Variants in PADI3 observed in about 807,000 individuals in gnomAD.
PADI3 encodes peptidyl arginine deiminase 3, also known as protein-arginine deiminase type-3.
Under a neutral mutation model 71.5 loss-of-function variants are expected in PADI3, and 53 were observed. The ratio of observed to expected loss-of-function variants is 0.74; its 90% CI spans 0.59 to 0.93. The LOEUF (loss-of-function observed/expected upper bound fraction) is 0.93, where lower values mean the gene tolerates loss of function less well. PADI3 is among the 40% of genes least tolerant of loss of function. The probability of loss-of-function intolerance (pLI) is 0.00; values close to 1 mark genes in which losing one functional copy is unlikely to be tolerated. For missense variants in PADI3, 821 were observed against 868.0 expected, an observed-to-expected ratio of 0.95 and a Z score of 0.68; for synonymous variants, 361 against 347.5, an observed-to-expected ratio of 1.04 and a Z score of -0.43.
Position 17,280,759 on chromosome 1 carries a change from C to T in PADI3, c.1724C>T (p.Thr575Ile). 6.2e-7 allele frequency: 1 copy of T among 1,614,090 alleles called. No homozygotes were observed. Among genetic ancestry groups the T allele is most frequent in the Non-Finnish European group, 8.5e-7 (1 of 1,179,998 alleles). The change falls in exon 15 of 16, where the codon ACC (threonine) becomes ATC (isoleucine). Residue 575 changes from threonine to isoleucine, a missense_variant. By Grantham distance (89) the Thr-to-Ile change is moderately conservative (BLOSUM62 -1). Transcript: ENST00000375460. The part of the protein sequence containing the change: ...DIIDIPQLFK[T>I]ERKKATAFFP... ...ATTGACATCCCACAGCTCTTCAAGA[C>T]CGAGAGGAAAAAAGCAACGGCCTTC...
chr1:17,283,115 G>A lies in PADI3; in HGVS notation c.*36G>A, dbSNP rs113760173. ...ACCCACCATCCTGTCCCCCTGGGGC[G>A]GGCATTGGCCCAGGTGGTGGAGACA... On this transcript the variant is annotated 3_prime_UTR_variant, in exon 16 of 16. Transcript: ENST00000375460. The A allele has an allele frequency of 6.0e-4, 926 of 1,538,340 alleles. 3 individuals carry two copies. The African/African-American group carries it at 8.0e-3, about 13-fold the overall frequency.
In PADI3 at chr1:17,279,804, G is replaced by T. The variant is rs143299935; in HGVS notation, c.1556-546G>T. ...TTGTGTGCCATTGACTCTAGCCTCCGCTTCCCTGTCCAGTCTCATCTGCAT... is the reference window on the plus strand; with the variant it reads ...TTGTGTGCCATTGACTCTAGCCTCCTCTTCCCTGTCCAGTCTCATCTGCAT... On this transcript the variant is annotated intron_variant, in intron 13 of 15. Transcript: ENST00000375460. Among the ~76,000 whole-genome samples the T allele has an allele frequency of 1.4e-4, 22 of 152,288 alleles. No individual in the cohort carries two copies. In the East Asian group the frequency reaches 4.2e-3, roughly 29 times the overall value.
intron 1 of PADI3, among the ~76,000 whole-genome samples, chr1:17,258,576 T>C (rs1051891973): frequency 1.3e-5 from 2 of 152,264 alleles, no homozygotes; most frequent in African/African-American, 4.8e-5. Flanking sequence ...TGCAGAGCTG[T>C]GGAACAGCAT....
In PADI3 at chr1:17,263,635, T is replaced by A. The variant is rs183000239; in HGVS notation, c.346+1430T>A. Among the ~76,000 whole-genome samples the A allele has an allele frequency of 2.1e-3, 327 of 152,288 alleles. 1 individual carries two copies. The highest frequency in any genetic ancestry group is 4.2e-3 in the Non-Finnish European group (284 of 68,032). Reference sequence around the variant, plus strand: ...AGTGCAAAGACCATAAGGGGAAAGATTGCTAAATTAGACTGTATTAAAATT... The same window carrying A: ...AGTGCAAAGACCATAAGGGGAAAGAATGCTAAATTAGACTGTATTAAAATT... On this transcript the variant is annotated intron_variant, in intron 3 of 15. Coordinates refer to ENST00000375460, the MANE Select transcript of PADI3 (RefSeq NM_016233.2).
In PADI3 at chr1:17,259,450, G is replaced by A. The variant is rs144508023; in HGVS notation, c.93-128G>A. On this transcript the variant is annotated intron_variant, in intron 1 of 15. Coordinates refer to ENST00000375460, the MANE Select transcript of PADI3 (RefSeq NM_016233.2). ...CAGGCTTGACTCGCAGGAGCTTACT[G>A]TGAGGATCTGAGGGGACTGGGTGGC... 3,879 of 752,910 alleles carry A rather than the reference G, an allele frequency of 5.2e-3. 17 individuals carry two copies. The highest frequency in any genetic ancestry group is 0.017 in the Middle Eastern group (68 of 4,004). 46.6% of individuals were successfully genotyped at this position (752,910 alleles called of 1,614,324 possible).
At chr1:17,249,700 C>T (rs1230802220) in intron 1 of PADI3, among the ~76,000 whole-genome samples, 3 of 152,216 alleles carry the variant, frequency 2.0e-5, no homozygotes. Context: ...CTAAGAGCTT[C>T]ACAAGTCTCT....
In PADI3 at chr1:17,271,854, A is replaced by G. The variant is rs868096850; in HGVS notation, c.1047+676A>G. Among the ~76,000 whole-genome samples the G allele has an allele frequency of 1.2e-3, 153 of 132,370 alleles. 2 individuals carry two copies. Among genetic ancestry groups the G allele is most frequent in the African/African-American group, 4.1e-3 (140 of 34,166 alleles). 86.8% of individuals were successfully genotyped at this position (132,370 alleles called of 152,430 possible). ...ACAACAACAAAAAAAAAAAAAAAAAAAGAGAGAGAGAGAGAGAGAAAAAGA... is the reference window on the plus strand; with the variant it reads ...ACAACAACAAAAAAAAAAAAAAAAAGAGAGAGAGAGAGAGAGAGAAAAAGA... On this transcript the variant is annotated intron_variant, in intron 9 of 15. Coordinates refer to ENST00000375460, the MANE Select transcript of PADI3 (RefSeq NM_016233.2).
In PADI3 at chr1:17,253,628, G is replaced by A. The variant is rs564139671; in HGVS notation, c.92+4399G>A. ...AAAATTGATGCCCAGGCCCCACCTT[G>A]GGAAACCTGATTCAACTCATCTGTG... On this transcript the variant is annotated intron_variant, in intron 1 of 15. Coordinates refer to ENST00000375460, the MANE Select transcript of PADI3 (RefSeq NM_016233.2). 1.7e-4 allele frequency among the ~76,000 whole-genome samples: 26 copies of A among 152,240 alleles called. No individual in the cohort carries two copies. In the East Asian group the frequency reaches 4.8e-3, roughly 28 times the overall value.
At chr1:17,252,267 C>T (rs764175653) in intron 1 of PADI3, among the ~76,000 whole-genome samples, 52 of 152,152 alleles carry the variant, frequency 3.4e-4, no homozygotes, top group Non-Finnish European at 7.4e-5. Flanking sequence ...AGGGCTTGAA[C>T]CCAGATCCCA....
chr1:17,260,522 G>C (rs2073090236), intron 2 of PADI3, among the ~76,000 whole-genome samples: 1 of 152,174 alleles, frequency 6.6e-6, no homozygotes, highest in Non-Finnish European at 1.5e-5. Flanking sequence ...GCCCAGAGAG[G>C]TGGGGGACTG....
intron 3 of PADI3, among the ~76,000 whole-genome samples, chr1:17,264,331 TACACACACACAC>T (rs60223695): frequency 4.7e-5 from 7 of 148,220 alleles, no homozygotes; most frequent in South Asian, 2.2e-4. Flanking sequence ...AAAGCATATG[TACACACACACAC>T]ACACACACAC....
chr1:17,271,762 C>G (rs1045627821), intron 9 of PADI3, among the ~76,000 whole-genome samples: 4 of 147,018 alleles, frequency 2.7e-5, no homozygotes, highest in African/African-American at 1.0e-4. Flanking sequence ...GTCAGAGGAT[C>G]ACCTGAGTTT....
chr1:17,261,429 C>T (rs2073101953), intron 2 of PADI3, among the ~76,000 whole-genome samples: 1 of 152,054 alleles, frequency 6.6e-6, no homozygotes. Flanking sequence ...AAATTGAGGC[C>T]CAGAGAAGAT....
At chr1:17,252,418 T>G (rs1347497740) in intron 1 of PADI3, among the ~76,000 whole-genome samples, 1 of 137,670 alleles carries the variant, frequency 7.3e-6, no homozygotes, top group Non-Finnish European at 1.6e-5. Flanking sequence ...TTTTTTTTTG[T>G]TGAAGACAGG....
intron 2 of PADI3, among the ~76,000 whole-genome samples, chr1:17,260,835 G>A (rs2073093965): frequency 1.3e-5 from 2 of 152,214 alleles, no homozygotes; most frequent in Admixed American, 1.3e-4. Context: ...GGACTGGCCA[G>A]CCTGTGAGGG....
At chr1:17,282,366 T>C (rs1412842165) in intron 15 of PADI3, among the ~76,000 whole-genome samples, 9 of 152,296 alleles carry the variant, frequency 5.9e-5, no homozygotes, top group Non-Finnish European at 2.9e-5. Context: ...CTCCCTCTTC[T>C]TCCAGCTTGG....
chr1:17,260,017 A>G (rs988885315), intron 2 of PADI3, among the ~76,000 whole-genome samples: 3 of 152,204 alleles, frequency 2.0e-5, no homozygotes, highest in African/African-American at 7.2e-5. Flanking sequence ...CCTGTCTCCT[A>G]TCATTGCTGT....
At chr1:17,266,967 G>A (rs185012234) in intron 5 of PADI3, 131 bp downstream of exon 5, 116 of 713,620 alleles carry the variant, frequency 1.6e-4, no homozygotes, top group African/African-American at 1.5e-3. Context: ...GACACACCTC[G>A]ATGCTCCTCA....
chr1:17,271,707 G>A (rs1347754030), intron 9 of PADI3, among the ~76,000 whole-genome samples: 8 of 151,976 alleles, frequency 5.3e-5, no homozygotes, highest in Non-Finnish European at 2.9e-5. Context: ...AATTAGCAGG[G>A]CATGGTGGCG....
Sources: allele counts gnomAD v4.1 joint callset (sites outside exome capture counted in the v4.1 genomes callset), GRCh38; gene constraint gnomAD v4.1.1; transcripts MANE v1.5; gene names NCBI Gene and HGNC (gene_info 2026-07-23, HGNC 2026-07-21).